The following UNC5D variants were observed in gnomAD, a reference collection of about 807,000 sequenced individuals.
The protein encoded by UNC5D is unc-5 netrin receptor D.
UNC5D carries 39 observed loss-of-function variants against 105.4 expected under a neutral mutation model. The ratio of observed to expected loss-of-function variants is 0.37; its 90% CI spans 0.29 to 0.48. The LOEUF (loss-of-function observed/expected upper bound fraction) is 0.48, where lower values mean the gene tolerates loss of function less well. UNC5D is among the 20% of genes least tolerant of loss of function. The probability of loss-of-function intolerance (pLI) is 0.98; values close to 1 mark genes in which losing one functional copy is unlikely to be tolerated. For synonymous variants in UNC5D, 452 were observed against 450.4 expected (o/e 1.00, Z -0.04); for missense variants, 991 against 1,202.4 (o/e 0.82, Z 2.60).
At chr8:35,266,876 A>T (rs779653196) in intron 1 of UNC5D, among the ~76,000 whole-genome samples, 1 of 152,194 alleles carries the variant, frequency 6.6e-6, no homozygotes, top group Non-Finnish European at 1.5e-5. Flanking sequence ...GCATCCCAAA[A>T]TGGAGCCTCT....
intron 1 of UNC5D, among the ~76,000 whole-genome samples, chr8:35,458,176 T>TAGA (rs1808628352): frequency 6.6e-6 from 1 of 152,206 alleles, no homozygotes; most frequent in Non-Finnish European, 1.5e-5. Context: ...CCTTAGAGGT[T>TAGA]GCCCAGGGCA....
chr8:35,254,268 G>T (rs2128814680), intron 1 of UNC5D: 1 of 152,122 alleles, frequency 6.6e-6, no homozygotes, highest in East Asian at 1.9e-4. Flanking sequence ...GGAATTGAAG[G>T]TCTTAGAAAT....
At chr8:35,448,368 G>A (rs1237721706) in intron 1 of UNC5D, among the ~76,000 whole-genome samples, 1 of 152,048 alleles carries the variant, frequency 6.6e-6, no homozygotes, top group Non-Finnish European at 1.5e-5. Context: ...GATGCTGATT[G>A]GGAGGCTGAA....
At chr8:35,454,243 TAGAA>T (rs1015665647) in intron 1 of UNC5D, among the ~76,000 whole-genome samples, 1 of 152,068 alleles carries the variant, frequency 6.6e-6, no homozygotes, top group African/African-American at 2.4e-5. Flanking sequence ...TTCCAGGTCT[TAGAA>T]AGCATGACAC....
intron 16 of UNC5D, among the ~76,000 whole-genome samples, chr8:35,785,998 A>G (rs911554041): frequency 1.3e-5 from 2 of 151,970 alleles, no homozygotes; most frequent in African/African-American, 2.4e-5. Context: ...CAATAATGAA[A>G]CTTTCTTCCC....
intron 4 of UNC5D, among the ~76,000 whole-genome samples, chr8:35,658,949 C>T (rs1823947326): frequency 6.6e-6 from 1 of 152,102 alleles, no homozygotes; most frequent in Non-Finnish European, 1.5e-5. Flanking sequence ...GCCACCGTGC[C>T]CGGCAGAGTG....
chr8:35,245,418 C>T (rs545550639), intron 1 of UNC5D, among the ~76,000 whole-genome samples: 1 of 152,148 alleles, frequency 6.6e-6, no homozygotes, highest in East Asian at 1.9e-4. Flanking sequence ...CCTTGTTTCT[C>T]TCTCAGTCTT....
chr8:35,616,626 A>G (rs1821042298), intron 4 of UNC5D, among the ~76,000 whole-genome samples: 1 of 152,194 alleles, frequency 6.6e-6, no homozygotes, highest in East Asian at 1.9e-4. Context: ...GAGAGACACT[A>G]TTGACAAAAC....
chr8:35,545,578 C>G (rs1374029811), intron 1 of UNC5D, among the ~76,000 whole-genome samples: 1 of 151,784 alleles, frequency 6.6e-6, no homozygotes, highest in African/African-American at 2.4e-5. Flanking sequence ...CAGTGTGGAA[C>G]TTGGAGTGTG....
In UNC5D at chr8:35,358,950, C is replaced by G. The variant is rs7813832; in HGVS notation, c.103+123063C>G. ...ATTGGTATATTTAAAAATTATGATT[C>G]CCATGAATAGATAAGGTACAGGTAG... On this transcript the variant is annotated intron_variant, in intron 1 of 16. Coordinates refer to ENST00000404895, the MANE Select transcript of UNC5D (RefSeq NM_080872.4). Among the ~76,000 whole-genome samples, 70 of 152,130 alleles carry G rather than the reference C, an allele frequency of 4.6e-4. 1 individual carries two copies. The highest frequency in any genetic ancestry group is 1.6e-3 in the African/African-American group (67 of 41,508).
rs201352979 is a variant in UNC5D at position 35,323,141 on chromosome 8, GA to G, written c.103+87261del. Among the ~76,000 whole-genome samples the G allele has an allele frequency of 9.3e-3, 1,347 of 145,044 alleles. 11 individuals are homozygous for G. Among genetic ancestry groups the G allele is most frequent in the Middle Eastern group, 0.047 (12 of 258 alleles). On this transcript the variant is annotated intron_variant, in intron 1 of 16. Transcript: ENST00000404895. ...TTAATTTATTGCATCTCTGACATGA[GA>G]AAAAAAGCCTTTATGTTTTACTGTT...
intron 1 of UNC5D, among the ~76,000 whole-genome samples, chr8:35,349,011 CGTT>C (rs1812014805): frequency 6.6e-6 from 1 of 151,672 alleles, no homozygotes; most frequent in African/African-American, 2.4e-5. Context: ...ATTTACATGA[CGTT>C]ATTTAAAATT....
At chr8:35,651,495 G>T (rs1823398469) in intron 4 of UNC5D, among the ~76,000 whole-genome samples, 1 of 152,170 alleles carries the variant, frequency 6.6e-6, no homozygotes, top group African/African-American at 2.4e-5. Context: ...GAGCCAGATT[G>T]TACTTTAATC....
At chr8:35,664,605 C>G (rs1269204820) in intron 4 of UNC5D, among the ~76,000 whole-genome samples, 1 of 152,092 alleles carries the variant, frequency 6.6e-6, no homozygotes, top group African/African-American at 2.4e-5. Context: ...CCTTGAACTC[C>G]TAACATCAGG....
intron 1 of UNC5D, among the ~76,000 whole-genome samples, chr8:35,481,449 ACAAT>A (rs1411199057): frequency 6.6e-6 from 1 of 152,134 alleles, no homozygotes; most frequent in Non-Finnish European, 1.5e-5. Context: ...TAAAATCAAA[ACAAT>A]CAAAACAGAA....
At chr8:35,523,032 G>A (rs972140308) in intron 1 of UNC5D, among the ~76,000 whole-genome samples, 3 of 150,496 alleles carry the variant, frequency 2.0e-5, no homozygotes, top group Admixed American at 2.0e-4. Context: ...CTTCAACTGT[G>A]TGATTTAGGA....
At chr8:35,461,955 G>A (rs1273133395) in intron 1 of UNC5D, among the ~76,000 whole-genome samples, 1 of 152,144 alleles carries the variant, frequency 6.6e-6, no homozygotes, top group Admixed American at 6.5e-5. Context: ...GGTTTTAGAG[G>A]TTCTTCAGTT....
At chr8:35,294,453 T>C (rs948440967) in intron 1 of UNC5D, among the ~76,000 whole-genome samples, 1 of 152,196 alleles carries the variant, frequency 6.6e-6, no homozygotes, top group Non-Finnish European at 1.5e-5. Context: ...GACAAATCAC[T>C]TTCTAAAATT....
intron 3 of UNC5D, among the ~76,000 whole-genome samples, chr8:35,584,161 G>A (rs1301407077): frequency 6.6e-6 from 1 of 152,166 alleles, no homozygotes; most frequent in Admixed American, 6.5e-5. Context: ...AAGAGAATCA[G>A]CAGTTGGTAG....
Sources: allele counts gnomAD v4.1 joint callset (sites outside exome capture counted in the v4.1 genomes callset), GRCh38; gene constraint gnomAD v4.1.1; transcripts MANE v1.5; gene names NCBI Gene and HGNC (gene_info 2026-07-23, HGNC 2026-07-21).